The following ZNF236 variants were observed in gnomAD, a reference collection of about 807,000 sequenced individuals.
ZNF236 encodes zinc finger protein 236, also known as regulated by glucose.
ZNF236 carries 50 observed loss-of-function variants against 191.2 expected under a neutral mutation model. The ratio of observed to expected loss-of-function variants is 0.26; its 90% CI spans 0.21 to 0.33. The LOEUF (loss-of-function observed/expected upper bound fraction) is 0.33. ZNF236 is among the 10% of genes least tolerant of loss of function. The pLI, the probability that ZNF236 is intolerant of heterozygous loss-of-function variation, is 1.00. For synonymous variants in ZNF236, 907 were observed against 928.8 expected, an observed-to-expected ratio of 0.98 and a Z score of 0.43; for missense variants, 1,754 against 2,374.5, an observed-to-expected ratio of 0.74 and a Z score of 5.43.
intron 30 of ZNF236, among the ~76,000 whole-genome samples, chr18:76,966,340 C>A (rs1968775690): frequency 6.6e-6 from 1 of 151,904 alleles, no homozygotes; most frequent in Admixed American, 6.6e-5. Context: ...CCTTCACACA[C>A]ACACACACAC....
At chr18:76,947,097 G>A (rs1968282576) in intron 26 of ZNF236, among the ~76,000 whole-genome samples, 1 of 152,046 alleles carries the variant, frequency 6.6e-6, no homozygotes, top group South Asian at 2.1e-4. Flanking sequence ...TGTCTCCGTA[G>A]ATGCATCCGT....
intron 10 of ZNF236, among the ~76,000 whole-genome samples, chr18:76,897,489 C>T (rs1034756576): frequency 6.6e-6 from 1 of 151,854 alleles, no homozygotes; most frequent in African/African-American, 2.4e-5. Flanking sequence ...TAGTACTGTA[C>T]ATAGTACCAC....
intron 20 of ZNF236, among the ~76,000 whole-genome samples, chr18:76,921,116 G>A (rs892359933): frequency 6.6e-6 from 1 of 152,240 alleles, no homozygotes; most frequent in Admixed American, 6.5e-5. Flanking sequence ...CAGGGAAAGG[G>A]TAGGTGGTTT....
chr18:76,961,458 C>T (rs1007289985), intron 30 of ZNF236, among the ~76,000 whole-genome samples: 20 of 151,074 alleles, frequency 1.3e-4, no homozygotes, highest in Admixed American at 6.6e-4. Context: ...GATTTATGGA[C>T]ATTTGGTTTG....
chr18:76,849,632 T>G lies in ZNF236; in HGVS notation c.162T>G (p.Phe54Leu), dbSNP rs1191389516. The G allele has an allele frequency of 6.2e-7, 1 of 1,608,920 alleles. No individual in the cohort carries two copies. The highest frequency in any genetic ancestry group is 2.2e-5 in the East Asian group (1 of 44,624). ...TATCTTTTCCAAAAGAATCCCAGTT[T>G]CAACGCCACATGAGGGATCACGAGC... is the stretch of plus-strand genomic sequence containing the variant. ...CLLSFPKESQ[F>L]QRHMRDHERN... is the part of the protein sequence containing the mutation. The change falls in exon 2 of 31, where the codon TTT becomes TTG. Residue 54 changes from phenylalanine (F) to leucine (L), a missense_variant. By Grantham distance (22) the Phe-to-Leu change is conservative. This residue lies in a region of ZNF236 where 336 missense variants were observed against 495.1 expected (regional missense o/e 0.68). Coordinates refer to ENST00000320610, the MANE Select transcript of ZNF236 (RefSeq NM_001306089.2).
chr18:76,924,521 G>T (rs1967622671), intron 21 of ZNF236, among the ~76,000 whole-genome samples: 1 of 152,316 alleles, frequency 6.6e-6, no homozygotes, highest in East Asian at 1.9e-4. Flanking sequence ...ATTAGCATTT[G>T]TTCCTGGACA....
intron 11 of ZNF236, among the ~76,000 whole-genome samples, chr18:76,901,894 T>C (rs550191926): frequency 1.3e-5 from 2 of 152,328 alleles, no homozygotes; most frequent in Non-Finnish European, 2.9e-5. Flanking sequence ...TACTTTGATA[T>C]CCTTGTCCAG....
At chr18:76,871,355 T>C (rs1285278380) in intron 4 of ZNF236, among the ~76,000 whole-genome samples, 1 of 151,924 alleles carries the variant, frequency 6.6e-6, no homozygotes, top group African/African-American at 2.4e-5. Flanking sequence ...CTGGAGGAGG[T>C]GGTGTGGGTC....
chr18:76,834,585 A>C, intron 1 of ZNF236: 1 of 471,544 alleles, frequency 2.1e-6, no homozygotes. Context: ...CTGTGTGCAC[A>C]GTTGGGGTGA....
At chr18:76,850,698 G>T (rs1312147529) in intron 2 of ZNF236, among the ~76,000 whole-genome samples, 1 of 151,972 alleles carries the variant, frequency 6.6e-6, no homozygotes, top group Non-Finnish European at 1.5e-5. Context: ...CTTCTCCCAG[G>T]TTCAAGCGAA....
intron 3 of ZNF236, among the ~76,000 whole-genome samples, chr18:76,854,204 T>C (rs2122528888): frequency 6.6e-6 from 1 of 152,196 alleles, no homozygotes; most frequent in East Asian, 1.9e-4. Context: ...TAAAAATCAA[T>C]TAGTTAAAAA....
At chr18:76,943,556 A>C (rs994142518) in intron 26 of ZNF236, among the ~76,000 whole-genome samples, 1 of 152,212 alleles carries the variant, frequency 6.6e-6, no homozygotes, top group Admixed American at 6.5e-5. Context: ...AAACAAACTT[A>C]TTATTACAGA....
intron 4 of ZNF236, among the ~76,000 whole-genome samples, chr18:76,871,454 C>T (rs1202724600): frequency 2.6e-5 from 4 of 152,182 alleles, no homozygotes; most frequent in Non-Finnish European, 5.9e-5. Context: ...TTTGCTCCCC[C>T]TGTCCCAATT....
intron 4 of ZNF236, among the ~76,000 whole-genome samples, 154 bp downstream of exon 4, chr18:76,869,017 A>G (rs1248789908): frequency 6.6e-6 from 1 of 152,254 alleles, no homozygotes; most frequent in African/African-American, 2.4e-5. Flanking sequence ...TATAACATGC[A>G]TGGTGCATCC....
chr18:76,925,619 T>G lies in ZNF236; in HGVS notation c.4027+65T>G. On this transcript the variant is annotated intron_variant, in intron 22 of 30. Coordinates refer to ENST00000320610, the MANE Select transcript of ZNF236 (RefSeq NM_001306089.2). This position sits in a 1 kb window ranked among gnomAD's most constrained non-coding sequence, Gnocchi z 5.7. ...TGAACTGTTCTGTGCTGCTTCTGTC[T>G]GTTCCCACGACAGAAGAGATGTTGT... The G allele has an allele frequency of 6.4e-7, 1 of 1,551,110 alleles. No individual in the cohort carries two copies. Among genetic ancestry groups the G allele is most frequent in the Non-Finnish European group, 8.7e-7 (1 of 1,149,736 alleles).
rs370970677 is a variant in ZNF236, at chr18:76,925,561, G to A, written c.4027+7G>A. The A allele has an allele frequency of 2.2e-5, 36 of 1,609,264 alleles. No homozygotes were observed. The highest frequency in any genetic ancestry group is 3.3e-4 in the Middle Eastern group (2 of 6,076). On this transcript the variant is annotated splice_region_variant and intron_variant, in intron 22 of 30. Transcript: ENST00000320610. This position sits in a 1 kb window ranked among gnomAD's most constrained non-coding sequence, Gnocchi z 5.7. ...CTCCCTGCCTCTGTGTCAGGTAAAC[G>A]CTGAGCCGAGGGAATGAGAGCAGCA...
At position 76,851,981 on chromosome 18, in the gene ZNF236, T is replaced by G. The variant is rs377634458; in HGVS notation, c.363+42T>G. ...TGCATATACTTTGTTAACTGATTGT[T>G]AAAATACATCTGATCATGAGTCAGG... On this transcript the variant is annotated intron_variant, in intron 3 of 30. Transcript: ENST00000320610. 8 of 1,548,602 alleles carry G rather than the reference T, an allele frequency of 5.2e-6. No individual in the cohort carries two copies. In the East Asian group the frequency reaches 6.9e-5, roughly 13 times the overall value.
At chr18:76,855,861 CAGT>C (rs1976027295) in intron 3 of ZNF236, among the ~76,000 whole-genome samples, 1 of 152,078 alleles carries the variant, frequency 6.6e-6, no homozygotes, top group Non-Finnish European at 1.5e-5. Flanking sequence ...CCCAGAACAT[CAGT>C]AGTGTGAGGT....
chr18:76,950,285 C>G (rs1171269240), intron 27 of ZNF236, among the ~76,000 whole-genome samples: 1 of 152,188 alleles, frequency 6.6e-6, no homozygotes, highest in Admixed American at 6.5e-5. Flanking sequence ...TCTCAAAGCC[C>G]ACTGCTGCTT....
Sources: gnomAD v4.1 joint callset for allele counts (sites outside exome capture counted in the v4.1 genomes callset) on GRCh38, gnomAD v4.1.1 for gene constraint, gnomAD v4.1.1 regional missense constraint, Gnocchi (gnomAD v3.1) non-coding constraint, MANE v1.5 for transcripts, NCBI Gene and HGNC (gene_info 2026-07-23, HGNC 2026-07-21) for gene names.